RELN: variants seen among roughly 807,000 people sequenced by gnomAD.
RELN encodes the protein reelin.
A neutral mutation model predicts 427.6 loss-of-function variants in RELN; 108 were observed. The ratio of observed to expected loss-of-function variants is 0.25; its 90% CI spans 0.22 to 0.30. The LOEUF (loss-of-function observed/expected upper bound fraction) is 0.30. Among genes scored for constraint, RELN ranks in the 10% least tolerant of loss-of-function variants. The pLI is 1.00. For missense variants in RELN, 3,715 were observed against 4,302.8 expected (o/e 0.86, Z 3.82); for synonymous variants, 1,524 against 1,513.4 (o/e 1.01, Z -0.16).
intron 60 of RELN, among the ~76,000 whole-genome samples, chr7:103,487,552 A>T (rs1348864558): frequency 6.6e-6 from 1 of 152,086 alleles, no homozygotes; most frequent in African/African-American, 2.4e-5. Flanking sequence ...TTGGAAAAAA[A>T]ATCCAATTTT....
chr7:103,861,698 G>T (rs1393407304), intron 2 of RELN, among the ~76,000 whole-genome samples: 3 of 152,112 alleles, frequency 2.0e-5, no homozygotes, highest in Non-Finnish European at 2.9e-5. Flanking sequence ...ATTGGATTTG[G>T]CTCATAGAAT....
intron 4 of RELN, among the ~76,000 whole-genome samples, chr7:103,775,841 G>C (rs1433641695): frequency 6.6e-6 from 1 of 152,292 alleles, no homozygotes; most frequent in East Asian, 1.9e-4. Context: ...TTAAGGCATA[G>C]TCCCCATACT....
intron 22 of RELN, among the ~76,000 whole-genome samples, chr7:103,609,697 ACT>A (rs999842466): frequency 6.6e-6 from 1 of 152,180 alleles, no homozygotes; most frequent in Non-Finnish European, 1.5e-5. Flanking sequence ...CATAAAAATA[ACT>A]CTAGGTTGGT....
chr7:103,584,612 A>T (rs922954382), intron 28 of RELN, among the ~76,000 whole-genome samples: 12 of 152,212 alleles, frequency 7.9e-5, no homozygotes, highest in African/African-American at 2.7e-4. Flanking sequence ...ACATAATAAT[A>T]TCGGTAGCTT....
chr7:103,982,019 TA>T (rs1158860449), intron 1 of RELN, among the ~76,000 whole-genome samples: 2 of 152,004 alleles, frequency 1.3e-5, no homozygotes, highest in African/African-American at 4.8e-5. Context: ...ACACAAAAAT[TA>T]CCTGGTCTAG....
intron 2 of RELN, among the ~76,000 whole-genome samples, chr7:103,842,133 A>C (rs947075435): frequency 6.6e-6 from 1 of 152,194 alleles, no homozygotes. Flanking sequence ...CAAAGTTATC[A>C]CCTTATGTCT....
intron 8 of RELN, among the ~76,000 whole-genome samples, chr7:103,705,337 C>T (rs1834177047): frequency 6.6e-6 from 1 of 151,876 alleles, no homozygotes; most frequent in Non-Finnish European, 1.5e-5. Context: ...GACACCACCC[C>T]AAATACAAAC....
intron 20 of RELN, among the ~76,000 whole-genome samples, chr7:103,628,954 C>T (rs560062480): frequency 9.2e-5 from 14 of 152,154 alleles, no homozygotes; most frequent in Non-Finnish European, 1.8e-4. Context: ...ACACTCACTA[C>T]TTCACTACCT....
chr7:103,747,131 G>T (rs1352901008), intron 6 of RELN, among the ~76,000 whole-genome samples: 2 of 152,162 alleles, frequency 1.3e-5, no homozygotes, highest in African/African-American at 4.8e-5. Flanking sequence ...GATGAAACTG[G>T]AAACCATCAT....
At chr7:103,627,677 C>T (rs536507677) in intron 20 of RELN, among the ~76,000 whole-genome samples, 14 of 152,176 alleles carry the variant, frequency 9.2e-5, no homozygotes, top group South Asian at 2.1e-4. Context: ...AAAGTCAAAT[C>T]GATTGCTCAC....
intron 10 of RELN, among the ~76,000 whole-genome samples, chr7:103,696,358 T>A (rs951246827): frequency 6.6e-6 from 1 of 152,112 alleles, no homozygotes. Flanking sequence ...TCCCCACTCA[T>A]AAGGCTAATG....
At chr7:103,633,547 C>A (rs1442662526) in intron 19 of RELN, among the ~76,000 whole-genome samples, 1 of 151,854 alleles carries the variant, frequency 6.6e-6, no homozygotes, top group Admixed American at 6.6e-5. Context: ...AAAAACTCCA[C>A]TTTGATCTTA....
chr7:103,637,817 C>T (rs1417361712), intron 17 of RELN, among the ~76,000 whole-genome samples: 1 of 152,130 alleles, frequency 6.6e-6, no homozygotes, highest in Non-Finnish European at 1.5e-5. Context: ...ATGTGTTTTA[C>T]CACAGTCACG....
Position 103,757,788 on chromosome 7 carries a change from G to A in RELN, c.545-4574C>T, listed in dbSNP as rs181026146. On this transcript the variant is annotated intron_variant, in intron 4 of 64. Coordinates refer to ENST00000428762, the MANE Select transcript of RELN (RefSeq NM_005045.4). ...GTCAGAGGATACTGAATTGAAGAGAGAGGAAGATAGGCTGGAGTTGTTCTG... is the reference window on the plus strand; with the variant it reads ...GTCAGAGGATACTGAATTGAAGAGAAAGGAAGATAGGCTGGAGTTGTTCTG... Among the ~76,000 whole-genome samples, 175 of 152,282 alleles carry A rather than the reference G, an allele frequency of 1.1e-3. 1 individual carries two copies. The highest frequency in any genetic ancestry group is 3.1e-4 in the Non-Finnish European group (21 of 68,008).
At chr7:103,670,371 T>G (rs1346382965) in intron 11 of RELN, among the ~76,000 whole-genome samples, 2 of 152,170 alleles carry the variant, frequency 1.3e-5, no homozygotes, top group African/African-American at 4.8e-5. Flanking sequence ...CAAGAACGTT[T>G]ACTACAATAT....
At chr7:103,662,800 C>G (rs1833173758) in intron 11 of RELN, among the ~76,000 whole-genome samples, 1 of 152,060 alleles carries the variant, frequency 6.6e-6, no homozygotes, top group Non-Finnish European at 1.5e-5. Flanking sequence ...AGTAGACACT[C>G]AGTGATATTT....
chr7:103,571,704 T>C (rs1830885285), intron 31 of RELN, among the ~76,000 whole-genome samples: 1 of 152,190 alleles, frequency 6.6e-6, no homozygotes, highest in Non-Finnish European at 1.5e-5. Context: ...TTGCATATAA[T>C]AAGTCTCAGT....
chr7:103,872,220 C>A (rs1262393844), intron 2 of RELN, among the ~76,000 whole-genome samples: 4 of 90,674 alleles, frequency 4.4e-5, no homozygotes, highest in Admixed American at 1.2e-4. Flanking sequence ...CCCCTCCCCC[C>A]ACCCCACCAC....
chr7:103,979,132 T>A (rs1796939150), intron 1 of RELN, among the ~76,000 whole-genome samples: 1 of 152,228 alleles, frequency 6.6e-6, no homozygotes, highest in African/African-American at 2.4e-5. Context: ...TCAAACCCTC[T>A]GAGAACCTCT....
Sources: allele counts gnomAD v4.1 joint callset (sites outside exome capture counted in the v4.1 genomes callset), GRCh38; gene constraint gnomAD v4.1.1; transcripts MANE v1.5; gene names NCBI Gene and HGNC (gene_info 2026-07-23, HGNC 2026-07-21).